The following STAG1 variants were observed in gnomAD, a reference collection of about 807,000 sequenced individuals.
STAG1 encodes the protein cohesin subunit SA-1.
In STAG1, 26 loss-of-function variants were observed where a neutral mutation model predicts 170.9. The ratio of observed to expected loss-of-function variants is 0.15; its 90% CI spans 0.11 to 0.21. STAG1 has a LOEUF of 0.21. STAG1 is among the 10% of genes least tolerant of loss of function. The probability of loss-of-function intolerance (pLI) is 1.00; values close to 1 mark genes in which losing one functional copy is unlikely to be tolerated. For synonymous variants in STAG1, 514 were observed against 497.7 expected (o/e 1.03, Z -0.44); for missense variants, 964 against 1,509.5 (o/e 0.64, Z 5.99).
chr3:136,497,437 A>G (rs1394626428), intron 9 of STAG1, among the ~76,000 whole-genome samples: 2 of 152,210 alleles, frequency 1.3e-5, no homozygotes, highest in Non-Finnish European at 2.9e-5. Context: ...AATTCACCAC[A>G]TTAAGTCTTT....
At chr3:136,550,311 CTTT>C (rs150817952) in intron 5 of STAG1, among the ~76,000 whole-genome samples, 2 of 141,442 alleles carry the variant, frequency 1.4e-5, no homozygotes, top group Non-Finnish European at 3.1e-5. Context: ...TCTGTTCAGC[CTTT>C]TTTTTTTTTT....
At chr3:136,695,635 A>T (rs946917692) in intron 1 of STAG1, among the ~76,000 whole-genome samples, 6 of 74,850 alleles carry the variant, frequency 8.0e-5, no homozygotes, top group African/African-American at 3.2e-4. Flanking sequence ...TACTCACTAG[A>T]AAAAAAAAAA....
chr3:136,466,715 G>C (rs1354228840), intron 12 of STAG1, among the ~76,000 whole-genome samples: 2 of 152,130 alleles, frequency 1.3e-5, no homozygotes, highest in Non-Finnish European at 2.9e-5. Flanking sequence ...ATTCACCAAA[G>C]TTGAAATGAA....
At chr3:136,417,274 T>C (rs934050727) in intron 21 of STAG1, among the ~76,000 whole-genome samples, 23 of 152,160 alleles carry the variant, frequency 1.5e-4, no homozygotes, top group Non-Finnish European at 2.4e-4. Flanking sequence ...CCCTAAATAT[T>C]ACCTACACTT....
Position 136,702,078 on chromosome 3 carries a change from AGAG to A in STAG1, c.-84+50114_-84+50116del, listed in dbSNP as rs1943083601. Among the ~76,000 whole-genome samples the A allele has an allele frequency of 5.9e-3, 184 of 31,020 alleles. 1 individual carries two copies. The highest frequency in any genetic ancestry group is 0.019 in the African/African-American group (177 of 9,496). The allele number at this position is 31,020 out of a possible 152,430, so 20.4% of individuals were successfully genotyped here. A position where few individuals can be genotyped will look rare whatever the true frequency, so the allele number is the denominator to read the frequency against. On this transcript the variant is annotated intron_variant, in intron 1 of 33. Transcript: ENST00000383202. ...CAGGCATGCACCACCATGCCGAAAG[AGAG>A]AGAGAGAGAGAGAGAGAGAGAGAGA...
chr3:136,337,433 G>T lies in STAG1; in HGVS notation c.*821C>A, dbSNP rs1242816728. On this transcript the variant is annotated 3_prime_UTR_variant, in exon 34 of 34. Transcript: ENST00000383202. The stretch of plus-strand genomic sequence containing the variant: ...ACTGAGAATACTTTATTTGCTGGTA[G>T]AAGTTGCTAAAAATGCACAGAACAA... The T allele has an allele frequency of 6.6e-6, 1 of 152,626 alleles. No homozygotes were observed. Among genetic ancestry groups the T allele is most frequent in the African/African-American group, 2.4e-5 (1 of 41,438 alleles). 9.5% of individuals were successfully genotyped at this position (152,626 alleles called of 1,614,324 possible). A position where few individuals can be genotyped will look rare whatever the true frequency, so the allele number is the denominator to read the frequency against.
intron 1 of STAG1, among the ~76,000 whole-genome samples, chr3:136,738,764 CTTGAA>C (rs1934490397): frequency 6.6e-6 from 1 of 152,174 alleles, no homozygotes; most frequent in Non-Finnish European, 1.5e-5. Context: ...ATATTGGATA[CTTGAA>C]AATGCTGAGA....
At chr3:136,354,736 C>T in intron 28 of STAG1, among the ~76,000 whole-genome samples, 1 of 8,048 alleles carries the variant, frequency 1.2e-4, no homozygotes, top group Admixed American at 1.4e-3. Context: ...TAAAAGAAGG[C>T]AGTAAAGGAG....
At chr3:136,572,310 A>G (rs569198025) in intron 4 of STAG1, among the ~76,000 whole-genome samples, 13 of 152,218 alleles carry the variant, frequency 8.5e-5, no homozygotes, top group South Asian at 6.2e-4. Flanking sequence ...AATAGTAAAC[A>G]AGGCCAGGCA....
intron 5 of STAG1, among the ~76,000 whole-genome samples, chr3:136,556,161 T>G (rs1007210158): frequency 9.9e-5 from 15 of 152,210 alleles, no homozygotes; most frequent in African/African-American, 2.4e-4. Context: ...ATAATGAAAT[T>G]TTTAAATGCT....
At chr3:136,639,497 C>G (rs1940711463) in intron 1 of STAG1, among the ~76,000 whole-genome samples, 1 of 152,132 alleles carries the variant, frequency 6.6e-6, no homozygotes, top group Admixed American at 6.5e-5. Context: ...AATTGTGTGA[C>G]AACTAATAGC....
At chr3:136,501,225 A>G (rs1404401944) in intron 8 of STAG1, among the ~76,000 whole-genome samples, 1 of 152,234 alleles carries the variant, frequency 6.6e-6, no homozygotes, top group African/African-American at 2.4e-5. Flanking sequence ...TTTCTGAGTC[A>G]GCAGTACTTA....
intron 13 of STAG1, among the ~76,000 whole-genome samples, chr3:136,463,331 C>T (rs1019563714): frequency 4.6e-5 from 7 of 152,114 alleles, no homozygotes; most frequent in African/African-American, 1.7e-4. Flanking sequence ...TATTGTAGCA[C>T]TGAATGCAGA....
intron 10 of STAG1, among the ~76,000 whole-genome samples, chr3:136,473,921 C>T (rs953367419): frequency 6.6e-6 from 1 of 152,044 alleles, no homozygotes; most frequent in Non-Finnish European, 1.5e-5. Flanking sequence ...TCCAGAGGCA[C>T]AAAGAGAGAA....
intron 4 of STAG1, among the ~76,000 whole-genome samples, chr3:136,598,001 T>C (rs1456973045): frequency 6.6e-6 from 1 of 152,194 alleles, no homozygotes; most frequent in Non-Finnish European, 1.5e-5. Context: ...ATTAGCTATA[T>C]ATTATCACAT....
At chr3:136,742,330 T>C (rs1322581820) in intron 1 of STAG1, among the ~76,000 whole-genome samples, 1 of 152,208 alleles carries the variant, frequency 6.6e-6, no homozygotes, top group Non-Finnish European at 1.5e-5. Flanking sequence ...CAATAAATTT[T>C]AAAGGATTAA....
At chr3:136,495,630 C>T (rs370054494) in intron 9 of STAG1, among the ~76,000 whole-genome samples, 2 of 151,430 alleles carry the variant, frequency 1.3e-5, no homozygotes, top group Middle Eastern at 3.2e-3. Flanking sequence ...GTCAAGAGTT[C>T]GAGACCAGCC....
At chr3:136,373,654 C>A (rs190074279) in intron 23 of STAG1, among the ~76,000 whole-genome samples, 1 of 152,062 alleles carries the variant, frequency 6.6e-6, no homozygotes, top group Non-Finnish European at 1.5e-5. Context: ...TGCAGTTGAG[C>A]GGTTTTGAGT....
intron 16 of STAG1, among the ~76,000 whole-genome samples, chr3:136,433,316 A>G (rs2088363757): frequency 6.6e-6 from 1 of 151,988 alleles, no homozygotes; most frequent in Non-Finnish European, 1.5e-5. Flanking sequence ...ATATATATAT[A>G]TATAAAATAC....
Sources: allele counts gnomAD v4.1 joint callset (sites outside exome capture counted in the v4.1 genomes callset), GRCh38; gene constraint gnomAD v4.1.1; transcripts MANE v1.5; gene names NCBI Gene and HGNC (gene_info 2026-07-23, HGNC 2026-07-21).